RAB3C: variants seen among roughly 807,000 people sequenced by gnomAD.
RAB3C encodes the protein ras-related protein Rab-3C.
RAB3C carries 17 observed loss-of-function variants against 26.4 expected under a neutral mutation model. The ratio of observed to expected loss-of-function variants is 0.64; its 90% CI spans 0.44 to 0.97. The LOEUF is 0.97. Ranked by LOEUF, RAB3C falls within the 50% of genes least tolerant of loss-of-function variation. The probability of loss-of-function intolerance (pLI) is 0.00; values close to 1 mark genes in which losing one functional copy is unlikely to be tolerated. For missense variants in RAB3C, 242 were observed against 281.9 expected (o/e 0.86, Z 1.01); for synonymous variants, 91 against 95.9 (o/e 0.95, Z 0.30).
At chr5:58,786,035 A>G (rs1486928333) in intron 3 of RAB3C, among the ~76,000 whole-genome samples, 1 of 151,976 alleles carries the variant, frequency 6.6e-6, no homozygotes, top group Non-Finnish European at 1.5e-5. Context: ...TGCTAAGGAC[A>G]CACTGATGTT....
At chr5:58,838,968 T>C (rs1225192408) in intron 4 of RAB3C, among the ~76,000 whole-genome samples, 1 of 140,214 alleles carries the variant, frequency 7.1e-6, no homozygotes, top group African/African-American at 2.7e-5. Flanking sequence ...TCTGTCTCTT[T>C]TTATAGCTTT....
chr5:58,671,022 T>C (rs1428462607), intron 2 of RAB3C, among the ~76,000 whole-genome samples: 1 of 152,190 alleles, frequency 6.6e-6, no homozygotes, highest in African/African-American at 2.4e-5. Context: ...TCACAACTTC[T>C]GTGGGCCCCA....
intron 2 of RAB3C, among the ~76,000 whole-genome samples, chr5:58,657,680 A>T (rs1747811869): frequency 6.6e-6 from 1 of 152,148 alleles, no homozygotes; most frequent in Admixed American, 6.5e-5. Context: ...CTGTGCTGAG[A>T]AGGTCTGATT....
chr5:58,810,372 T>TCTCTCTCTCG (rs773527991), intron 3 of RAB3C, among the ~76,000 whole-genome samples: 2,531 of 131,870 alleles, frequency 0.019, 35 homozygotes, highest in Middle Eastern at 0.061. Context: ...GTGCTCTCTC[T>TCTCTCTCTCG]CTCTCTCTCT....
chr5:58,664,294 G>A (rs551676355), intron 2 of RAB3C, among the ~76,000 whole-genome samples: 3 of 152,182 alleles, frequency 2.0e-5, no homozygotes, highest in Non-Finnish European at 4.4e-5. Flanking sequence ...GAGCGATAAA[G>A]AGAAATGCAC....
intron 2 of RAB3C, among the ~76,000 whole-genome samples, chr5:58,669,371 G>C (rs1748067030): frequency 6.6e-6 from 1 of 152,108 alleles, no homozygotes; most frequent in Admixed American, 6.5e-5. Flanking sequence ...CAAAGAGCCT[G>C]CTGCCCAGGT....
chr5:58,682,795 G>A (rs1169330991), intron 2 of RAB3C, among the ~76,000 whole-genome samples: 3 of 152,062 alleles, frequency 2.0e-5, no homozygotes, highest in Non-Finnish European at 1.5e-5. Context: ...TTAAATGACT[G>A]AGAGCATCTG....
At chr5:58,767,970 C>T (rs12522690) in intron 3 of RAB3C, among the ~76,000 whole-genome samples, 74,497 of 151,912 alleles carry the variant, frequency 0.49, 19,577 homozygotes, top group South Asian at 0.63. Context: ...GACATCTAAA[C>T]TGAACTCTAA....
chr5:58,824,395 T>C (rs1025602788), intron 3 of RAB3C, among the ~76,000 whole-genome samples: 21 of 152,242 alleles, frequency 1.4e-4, no homozygotes, highest in Non-Finnish European at 2.6e-4. Flanking sequence ...CTAAATATCC[T>C]GTTTATAGCA....
chr5:58,727,791 GA>G (rs1740922995), intron 3 of RAB3C, among the ~76,000 whole-genome samples: 1 of 151,908 alleles, frequency 6.6e-6, no homozygotes. Flanking sequence ...TTTTCCAAAA[GA>G]ACAAGATCTT....
chr5:58,599,188 T>C (rs971582349), intron 1 of RAB3C, among the ~76,000 whole-genome samples: 1 of 152,170 alleles, frequency 6.6e-6, no homozygotes. Context: ...TGTGGAATGC[T>C]CTTTTTCAGA....
rs553693215 is a variant in RAB3C at position 58,726,336 on chromosome 5, G to A, written c.371+216G>A. Among the ~76,000 whole-genome samples, 9 of 152,002 alleles carry A rather than the reference G, an allele frequency of 5.9e-5. No homozygotes were observed. In the East Asian group the frequency reaches 1.7e-3, roughly 29 times the overall value. ...CATTCTGATGATTTTTCTGCATTTT[G>A]TTCATTCCAGTGCTTTGCATTTTGT... is the stretch of plus-strand genomic sequence containing the variant. On this transcript the variant is annotated intron_variant, in intron 3 of 4. Coordinates refer to ENST00000282878, the MANE Select transcript of RAB3C (RefSeq NM_138453.4).
intron 2 of RAB3C, among the ~76,000 whole-genome samples, chr5:58,686,117 T>C (rs1013970108): frequency 2.0e-5 from 3 of 152,206 alleles, no homozygotes; most frequent in Non-Finnish European, 4.4e-5. Flanking sequence ...TGATAAGTGA[T>C]GACAGTCTGA....
intron 3 of RAB3C, among the ~76,000 whole-genome samples, chr5:58,759,007 C>T (rs1248668484): frequency 6.6e-6 from 1 of 152,160 alleles, no homozygotes; most frequent in Non-Finnish European, 1.5e-5. Context: ...GTAACTTCTG[C>T]ACCAGGATAC....
intron 3 of RAB3C, among the ~76,000 whole-genome samples, chr5:58,770,822 A>C (rs1442707967): frequency 5.9e-5 from 9 of 152,116 alleles, no homozygotes; most frequent in African/African-American, 2.2e-4. Context: ...TATTTACATA[A>C]AATTCACAGG....
intron 3 of RAB3C, among the ~76,000 whole-genome samples, chr5:58,783,351 A>G (rs966440730): frequency 3.3e-5 from 5 of 152,196 alleles, no homozygotes; most frequent in Non-Finnish European, 7.3e-5. Context: ...TGACATTTCA[A>G]TCATTCAAAA....
At chr5:58,849,711 G>A (rs971465596) in intron 4 of RAB3C, among the ~76,000 whole-genome samples, 1 of 152,186 alleles carries the variant, frequency 6.6e-6, no homozygotes, top group African/African-American at 2.4e-5. Flanking sequence ...TTTAACGAGA[G>A]TAGCTAGTGA....
At chr5:58,803,184 A>T (rs1018681436) in intron 3 of RAB3C, among the ~76,000 whole-genome samples, 2 of 152,208 alleles carry the variant, frequency 1.3e-5, no homozygotes, top group African/African-American at 4.8e-5. Flanking sequence ...GTCTACTGTC[A>T]GACTTGGACT....
rs1561261136 is a variant in RAB3C at position 58,597,715 on chromosome 5, GTACATTATATATAAGTATATAACATATAA to G, written c.24+14538_24+14566del. Among the ~76,000 whole-genome samples, 108 of 50,202 alleles carry G rather than the reference GTACATTATATATAAGTATATAACATATAA, an allele frequency of 2.2e-3. 13 individuals are homozygous for G. The highest frequency in any genetic ancestry group is 4.1e-3 in the Non-Finnish European group (69 of 16,936). The allele number at this position is 50,202 out of a possible 152,430, so 32.9% of individuals were successfully genotyped here. A position where few individuals can be genotyped will look rare whatever the true frequency, so the allele number is the denominator to read the frequency against. ...ATATATAAGTATATAATATAATATA[GTACATTATATATAAGTATATAACATATAA>G]TACATTATATATAAGTATATAACAT... On this transcript the variant is annotated intron_variant, in intron 1 of 4. Coordinates refer to ENST00000282878, the MANE Select transcript of RAB3C (RefSeq NM_138453.4).
Sources: allele counts gnomAD v4.1 joint callset (sites outside exome capture counted in the v4.1 genomes callset), GRCh38; gene constraint gnomAD v4.1.1; transcripts MANE v1.5; gene names NCBI Gene and HGNC (gene_info 2026-07-23, HGNC 2026-07-21).